The following CAMK2G variants were observed in gnomAD, a reference collection of about 807,000 sequenced individuals.
CAMK2G encodes the protein calcium/calmodulin dependent protein kinase II gamma.
CAMK2G carries 23 observed loss-of-function variants against 88.7 expected under a neutral mutation model. That is an observed-to-expected ratio of 0.26 (90% CI 0.19 to 0.37). The LOEUF is 0.37. CAMK2G is among the 10% of genes least tolerant of loss of function. The pLI is 1.00. For synonymous variants in CAMK2G, 263 were observed against 294.8 expected (o/e 0.89, Z 1.11); for missense variants, 476 against 780.8 (o/e 0.61, Z 4.65).
chr10:73,852,872 G>A, intron 4 of CAMK2G: 3 of 347,662 alleles, frequency 8.6e-6, no homozygotes, highest in Middle Eastern at 7.7e-4. Flanking sequence ...GATTTTTAAG[G>A]TCATGCAAAG....
In CAMK2G at chr10:73,837,462, A is replaced by C; in HGVS notation, c.1053+6T>G. The C allele has an allele frequency of 6.2e-7, 1 of 1,612,268 alleles. No homozygotes were observed. The highest frequency in any genetic ancestry group is 8.5e-7 in the Non-Finnish European group (1 of 1,178,284). ...GCCAGTCTGTTCAGAGGCTGGAGAC[A>C]CTTACCTTGACACCGCCATCCGACT... On this transcript the variant is annotated splice_donor_region_variant and intron_variant, in intron 14 of 22. Transcript: ENST00000423381.
intron 10 of CAMK2G, 189 bp downstream of exon 10, chr10:73,847,036 C>T: frequency 1.7e-6 from 1 of 579,400 alleles, no homozygotes; most frequent in South Asian, 2.3e-5. Flanking sequence ...GGCCCACCAG[C>T]CCCATCAGCC....
In CAMK2G at chr10:73,813,455, G is replaced by A. The variant is rs752302260; in HGVS notation, c.*1063C>T. 3.9e-5 allele frequency: 6 copies of A among 152,662 alleles called. No homozygotes were observed. The highest frequency in any genetic ancestry group is 6.5e-5 in the Admixed American group (1 of 15,284). The allele number at this position is 152,662 out of a possible 1,614,324, so 9.5% of individuals were successfully genotyped here. A position where few individuals can be genotyped will look rare whatever the true frequency, so the allele number is the denominator to read the frequency against. On this transcript the variant is annotated 3_prime_UTR_variant, in exon 23 of 23. Coordinates refer to ENST00000423381, the MANE Select transcript of CAMK2G (RefSeq NM_001367534.1). ...AAAGGCAGCCTGAATGCATAGAAAC[G>A]ACCACCACCTCTTCTCCCACTGCCT...
chr10:73,847,629 G>A (rs1383630169), intron 9 of CAMK2G, among the ~76,000 whole-genome samples: 1 of 152,210 alleles, frequency 6.6e-6, no homozygotes, highest in African/African-American at 2.4e-5. Context: ...ATACTTAGGA[G>A]GGAACAGAGG....
chr10:73,873,288 G>T, intron 1 of CAMK2G: 2 of 1,230,194 alleles, frequency 1.6e-6, no homozygotes, highest in Non-Finnish European at 2.2e-6. Context: ...GATGTGGGTG[G>T]CGTGCCGCGC....
At chr10:73,828,652 T>C (rs899575652) in intron 14 of CAMK2G, among the ~76,000 whole-genome samples, 13 of 152,244 alleles carry the variant, frequency 8.5e-5, no homozygotes, top group South Asian at 2.1e-4. Flanking sequence ...TGCTGAGCTT[T>C]TGAAAATCAC....
In CAMK2G at chr10:73,847,358, G is replaced by T; in HGVS notation, c.697-11C>A. Reference sequence around the variant, plus strand: ...TTCTGGTGATGGGAACTAAGGAGCAGGAATAGGGAGAAGAATGTGGTATTG... The same window carrying T: ...TTCTGGTGATGGGAACTAAGGAGCATGAATAGGGAGAAGAATGTGGTATTG... On this transcript the variant is annotated splice_polypyrimidine_tract_variant and intron_variant, in intron 9 of 22. Transcript: ENST00000423381. 4 of 1,614,058 alleles carry T rather than the reference G, an allele frequency of 2.5e-6. No homozygotes were observed. Among genetic ancestry groups the T allele is most frequent in the Non-Finnish European group, 3.4e-6 (4 of 1,179,904 alleles).
chr10:73,819,524 A>T lies in CAMK2G; in HGVS notation c.1363+8T>A. On this transcript the variant is annotated splice_region_variant and intron_variant, in intron 19 of 22. Coordinates refer to ENST00000423381, the MANE Select transcript of CAMK2G (RefSeq NM_001367534.1). ...ACGGAAGCCAGAATGTGCCTCCCTC[A>T]CACTTACTGGCTGAGGAGCAGAGAG... is the stretch of plus-strand genomic sequence containing the variant. The T allele has an allele frequency of 6.5e-7, 1 of 1,537,410 alleles. No individual in the cohort carries two copies. Among genetic ancestry groups the T allele is most frequent in the Non-Finnish European group, 8.8e-7 (1 of 1,135,714 alleles).
chr10:73,850,621 C>T (rs2094550204), intron 5 of CAMK2G, among the ~76,000 whole-genome samples: 1 of 152,204 alleles, frequency 6.6e-6, no homozygotes, highest in Admixed American at 6.5e-5. Context: ...AGGAACTTGG[C>T]CTAGAATATA....
chr10:73,844,674 C>T (rs1034720124), intron 10 of CAMK2G, among the ~76,000 whole-genome samples: 2 of 152,204 alleles, frequency 1.3e-5, no homozygotes, highest in Non-Finnish European at 2.9e-5. Flanking sequence ...TCCCAAAGTG[C>T]TGGGATTACA....
At position 73,849,249 on chromosome 10, in the gene CAMK2G, C is replaced by T. The variant is rs865963293; in HGVS notation, c.414+12G>A. ...TCATGAGCAGAGGCACGGAGGGGAG[C>T]CTGGGTAGTACCTTCAGGTCCCTGT... is the stretch of plus-strand genomic sequence containing the variant. On this transcript the variant is annotated intron_variant, in intron 6 of 22. Coordinates refer to ENST00000423381, the MANE Select transcript of CAMK2G (RefSeq NM_001367534.1). 4 of 1,610,966 alleles carry T rather than the reference C, an allele frequency of 2.5e-6. 1 individual carries two copies. In the Middle Eastern group the frequency reaches 6.6e-4, roughly 266 times the overall value.
intron 14 of CAMK2G, among the ~76,000 whole-genome samples, chr10:73,832,959 TTCTC>T (rs140499451): frequency 0.24 from 34,930 of 147,398 alleles, 5,204 homozygotes; most frequent in East Asian, 0.62. Context: ...CTTTTTTTTC[TTCTC>T]TCTCTTTTTT....
At chr10:73,820,470 ATATATATATATATATATATATATTT>A (rs1565179247) in intron 18 of CAMK2G, among the ~76,000 whole-genome samples, 5 of 35,964 alleles carry the variant, frequency 1.4e-4, no homozygotes, top group African/African-American at 8.2e-4. Flanking sequence ...ATATTTATAT[ATATATATATATATATATATATATTT>A]TTTTTTTTTT....
In CAMK2G at chr10:73,849,446, G is replaced by C; in HGVS notation, c.342-113C>G. The C allele has an allele frequency of 5.7e-6, 4 of 702,072 alleles. No homozygotes were observed. In the East Asian group the frequency reaches 8.1e-5, roughly 14 times the overall value. The allele number at this position is 702,072 out of a possible 1,614,324, so 43.5% of individuals were successfully genotyped here. A position where few individuals can be genotyped will look rare whatever the true frequency, so the allele number is the denominator to read the frequency against. On this transcript the variant is annotated intron_variant, in intron 5 of 22. Coordinates refer to ENST00000423381, the MANE Select transcript of CAMK2G (RefSeq NM_001367534.1). ...TGACAAGGGGCCACGGATTCACAGAGAATCACTTAACGGCCACTGGAACCT... is the reference window on the plus strand; with the variant it reads ...TGACAAGGGGCCACGGATTCACAGACAATCACTTAACGGCCACTGGAACCT...
At chr10:73,873,700 C>G (rs2095937180) in intron 1 of CAMK2G, among the ~76,000 whole-genome samples, 1 of 137,682 alleles carries the variant, frequency 7.3e-6, no homozygotes. Flanking sequence ...AACGGGAGCT[C>G]GCACTCTGAG....
chr10:73,823,152 G>A (rs960220241), intron 17 of CAMK2G, among the ~76,000 whole-genome samples: 3 of 152,144 alleles, frequency 2.0e-5, no homozygotes, highest in Non-Finnish European at 2.9e-5. Flanking sequence ...ATGAGCCACC[G>A]CACCTGGCCC....
intron 18 of CAMK2G, 51 bp downstream of exon 18, chr10:73,821,631 G>A (rs976077533): frequency 6.5e-5 from 94 of 1,442,690 alleles, no homozygotes; most frequent in Non-Finnish European, 8.9e-5. Flanking sequence ...TTGGAGCCCA[G>A]GTACCTGGGT....
chr10:73,873,167 T>G, intron 1 of CAMK2G, 84 bp from the exon 2 acceptor site: 2 of 1,048,718 alleles, frequency 1.9e-6, no homozygotes, highest in South Asian at 2.5e-5. Context: ...ACGATGATGC[T>G]CCCACCACCA....
At chr10:73,866,908 C>A (rs746089046) in intron 2 of CAMK2G, among the ~76,000 whole-genome samples, 1 of 152,224 alleles carries the variant, frequency 6.6e-6, no homozygotes, top group Admixed American at 6.5e-5. Flanking sequence ...ACGATCCCAC[C>A]GACCTCACCC....
Sources: allele counts gnomAD v4.1 joint callset (sites outside exome capture counted in the v4.1 genomes callset), GRCh38; gene constraint gnomAD v4.1.1; transcripts MANE v1.5; gene names NCBI Gene and HGNC (gene_info 2026-07-23, HGNC 2026-07-21).